Variants in TUBGCP4 observed in about 807,000 individuals in gnomAD.
TUBGCP4 encodes the protein tubulin gamma complex component 4.
TUBGCP4 carries 54 observed loss-of-function variants against 91.6 expected under a neutral mutation model. That is an observed-to-expected ratio of 0.59 (90% confidence interval 0.47 to 0.74). The LOEUF is 0.74. TUBGCP4 is among the 30% of genes least tolerant of loss of function. TUBGCP4 has a pLI of 0.00. For missense variants in TUBGCP4, 593 were observed against 800.9 expected (o/e 0.74, Z 3.13); for synonymous variants, 297 against 302.8 (o/e 0.98, Z 0.20).
rs45502394 is a variant in TUBGCP4 at position 43,407,630 on chromosome 15, AAG to A, written c.*2422_*2423del. ...ACACTCAACTTAGCCCTCCATTAGA[AAG>A]AGAGATTTGATTCTAACCAATACAT... On this transcript the variant is annotated 3_prime_UTR_variant, in exon 18 of 18. Transcript: ENST00000564079. 2,665 of 1,505,026 alleles carry A rather than the reference AAG, an allele frequency of 1.8e-3. 55 individuals carry two copies. The African/African-American group carries it at 0.033, about 19-fold the overall frequency. The allele number at this position is 1,505,026 out of a possible 1,614,324, so 93.2% of individuals were successfully genotyped here. A position where few individuals can be genotyped will look rare whatever the true frequency, so the allele number is the denominator to read the frequency against.
intron 6 of TUBGCP4, 79 bp from the exon 7 acceptor site, chr15:43,383,224 A>G (rs1339483124): frequency 7.9e-7 from 1 of 1,270,478 alleles, no homozygotes; most frequent in Non-Finnish European, 1.1e-6. Context: ...GTTATGACTC[A>G]TCAAATTCTC....
chr15:43,393,604 ACC>A (rs2044523296), intron 9 of TUBGCP4, among the ~76,000 whole-genome samples: 1 of 150,974 alleles, frequency 6.6e-6, no homozygotes, highest in Non-Finnish European at 1.5e-5. Context: ...CGGTCCCCCC[ACC>A]CTACAACAGT....
Position 43,400,051 on chromosome 15 carries a change from GTTGTTT to G in TUBGCP4, c.1429_1434del (p.Val477_Phe478del). The G allele has an allele frequency of 6.2e-7, 1 of 1,610,896 alleles. No homozygotes were observed. Among genetic ancestry groups the G allele is most frequent in the African/African-American group, 1.3e-5 (1 of 74,988 alleles). ...CTGTTATTTCTGTCCTAGGTACAAT[GTTGTTT>G]TTAAGTACTTACTGAGTGTGCGCCG... On this transcript the variant is annotated inframe_deletion, in exon 14 of 18. Coordinates refer to ENST00000564079, the MANE Select transcript of TUBGCP4 (RefSeq NM_014444.5).
intron 9 of TUBGCP4, among the ~76,000 whole-genome samples, chr15:43,386,745 A>AAAAAT (rs1555394895): frequency 1.3e-5 from 2 of 151,300 alleles, no homozygotes; most frequent in African/African-American, 4.9e-5. Flanking sequence ...AAAAAAAAAA[A>AAAAAT]AAAAGACACT....
At chr15:43,397,185 C>G in intron 11 of TUBGCP4, 29 bp from the exon 12 acceptor site, 2 of 1,566,610 alleles carry the variant, frequency 1.3e-6, no homozygotes, top group Non-Finnish European at 1.8e-6. Context: ...GCCAAGCGTC[C>G]CTGTCAGCCT....
chr15:43,387,808 C>G (rs2044401618), intron 9 of TUBGCP4, among the ~76,000 whole-genome samples: 1 of 152,028 alleles, frequency 6.6e-6, no homozygotes, highest in African/African-American at 2.4e-5. Context: ...GTCCTTACTT[C>G]CAGAGCTTCT....
At position 43,406,397 on chromosome 15, in the gene TUBGCP4, C is replaced by T. The variant is rs961211246; in HGVS notation, c.*1183C>T. 3 of 335,314 alleles carry T rather than the reference C, an allele frequency of 8.9e-6. No individual in the cohort carries two copies. The highest frequency in any genetic ancestry group is 7.7e-5 in the East Asian group (1 of 13,064). The allele number at this position is 335,314 out of a possible 1,614,324, so 20.8% of individuals were successfully genotyped here. A position where few individuals can be genotyped will look rare whatever the true frequency, so the allele number is the denominator to read the frequency against. ...CCCTGCTATTATCAACTAAAGATCACCCTTTCTACTGCTGTCTCTGGAGCA... is the reference window on the plus strand; with the variant it reads ...CCCTGCTATTATCAACTAAAGATCATCCTTTCTACTGCTGTCTCTGGAGCA... On this transcript the variant is annotated 3_prime_UTR_variant, in exon 18 of 18. Transcript: ENST00000564079.
In TUBGCP4 at chr15:43,408,852, C is replaced by T. The variant is rs528651058; in HGVS notation, c.*3638C>T. 3 of 1,583,436 alleles carry T rather than the reference C, an allele frequency of 1.9e-6. No homozygotes were observed. Among genetic ancestry groups the T allele is most frequent in the African/African-American group, 1.3e-5 (1 of 74,438 alleles). ...TAGATTCTCTTCCCTCCAAAGCTTG[C>T]TGTCCTCCTGCCTATACAATTCTGG... On this transcript the variant is annotated 3_prime_UTR_variant, in exon 18 of 18. Transcript: ENST00000564079.
chr15:43,404,800 T>C (rs185383108), intron 17 of TUBGCP4: 3 of 515,318 alleles, frequency 5.8e-6, no homozygotes, highest in Non-Finnish European at 1.0e-5. Flanking sequence ...AGGTTATGTA[T>C]TGCTATGCTG....
In TUBGCP4 at chr15:43,409,267, T is replaced by C; in HGVS notation, c.*4053T>C. The C allele has an allele frequency of 3.2e-6, 2 of 633,370 alleles. No homozygotes were observed. Among genetic ancestry groups the C allele is most frequent in the Admixed American group, 5.5e-5 (2 of 36,598 alleles). The allele number at this position is 633,370 out of a possible 1,614,324, so 39.2% of individuals were successfully genotyped here. A position where few individuals can be genotyped will look rare whatever the true frequency, so the allele number is the denominator to read the frequency against. On this transcript the variant is annotated 3_prime_UTR_variant, in exon 18 of 18. Coordinates refer to ENST00000564079, the MANE Select transcript of TUBGCP4 (RefSeq NM_014444.5). ...TCTTCTCACTGGAAGGCCCAAGTAA[T>C]TTCCATAGATGTTCTCTCTGCCTCA...
intron 9 of TUBGCP4, 39 bp downstream of exon 9, chr15:43,386,369 ATATATATATT>A: frequency 1.7e-5 from 1 of 59,404 alleles, no homozygotes. Flanking sequence ...ATATATATAT[ATATATATATT>A]TTTTTTTTTT....
At chr15:43,402,758 A>G (rs2044714257) in intron 15 of TUBGCP4, 1 of 152,250 alleles carries the variant, frequency 6.6e-6, no homozygotes, top group African/African-American at 2.4e-5. Flanking sequence ...GCTAGTTCCA[A>G]TTCCAGGATA....
intron 14 of TUBGCP4, among the ~76,000 whole-genome samples, chr15:43,400,797 A>T (rs1269050773): frequency 1.3e-5 from 2 of 152,102 alleles, no homozygotes; most frequent in African/African-American, 4.8e-5. Flanking sequence ...GCCTGTTTGT[A>T]GTCCCAGCTA....
At position 43,371,385 on chromosome 15, in the gene TUBGCP4, G is replaced by A. The variant is rs1329116285; in HGVS notation, c.31G>A (p.Gly11Arg). 3.0e-5 allele frequency: 49 copies of A among 1,614,110 alleles called. No homozygotes were observed. The highest frequency in any genetic ancestry group is 4.1e-5 in the Non-Finnish European group (48 of 1,180,002). MIHELLLALS[G>R]YPGSIFTWNK... ...CCACGAACTGCTCTTGGCTCTGAGC[G>A]GGTACCCTGGGTCCATTTTCACCTG... The change falls in exon 1 of 18, where the codon GGG (glycine) becomes AGG (arginine). Residue 11 changes from glycine (G) to arginine (R), a missense_variant. Gly to Arg is a moderately radical substitution (Grantham distance 125, BLOSUM62 -2). Transcript: ENST00000564079.
chr15:43,376,671 G>T, intron 3 of TUBGCP4, 46 bp downstream of exon 3: 2 of 1,611,354 alleles, frequency 1.2e-6, no homozygotes, highest in Non-Finnish European at 1.7e-6. Flanking sequence ...CAGTAGATTA[G>T]GGCATGTTCT....
intron 9 of TUBGCP4, among the ~76,000 whole-genome samples, chr15:43,389,366 T>C (rs1347399915): frequency 6.6e-6 from 1 of 152,148 alleles, no homozygotes; most frequent in East Asian, 1.9e-4. Context: ...TCATACTATC[T>C]GCAAATGAGA....
intron 2 of TUBGCP4, 55 bp from the exon 3 acceptor site, chr15:43,376,448 T>G (rs1463351762): frequency 2.5e-6 from 4 of 1,614,104 alleles, no homozygotes; most frequent in Non-Finnish European, 3.4e-6. Context: ...GATAATGTCT[T>G]TCTCAGGTTT....
intron 9 of TUBGCP4, among the ~76,000 whole-genome samples, chr15:43,388,847 G>T (rs935704118): frequency 6.6e-6 from 1 of 152,188 alleles, no homozygotes. Context: ...AAGGAAAAGG[G>T]GGGAGTGTTT....
intron 9 of TUBGCP4, among the ~76,000 whole-genome samples, chr15:43,391,171 A>G (rs551510324): frequency 2.6e-5 from 4 of 152,042 alleles, no homozygotes; most frequent in Non-Finnish European, 2.9e-5. Flanking sequence ...CAGGGATTAT[A>G]GGCATGAGCC....
Sources: gnomAD v4.1 joint callset for allele counts (sites outside exome capture counted in the v4.1 genomes callset) on GRCh38, gnomAD v4.1.1 for gene constraint, MANE v1.5 for transcripts, NCBI Gene and HGNC (gene_info 2026-07-23, HGNC 2026-07-21) for gene names.